Variants in RFPL2 observed in about 807,000 individuals in gnomAD.
RFPL2 encodes the protein ret finger protein like 2, also known as ret finger protein-like 2.
In RFPL2, 13 loss-of-function variants were observed where a neutral mutation model predicts 17.8. The observed-to-expected ratio is 0.73, with a 90% CI of 0.47 to 1.16. RFPL2 has a LOEUF of 1.16. Ranked by LOEUF, RFPL2 falls within the 50% of genes most tolerant of loss-of-function variation. The pLI is 0.00. For synonymous variants in RFPL2, 189 were observed against 180.9 expected, an observed-to-expected ratio of 1.04 and a Z score of -0.36; for missense variants, 431 against 479.3, an observed-to-expected ratio of 0.90 and a Z score of 0.94.
intron 4 of RFPL2, 143 bp downstream of exon 4, chr22:32,192,758 TC>T (rs1210147503): frequency 8.2e-7 from 1 of 1,212,826 alleles, no homozygotes; most frequent in Non-Finnish European, 1.2e-6. Context: ...CTGTATGTTG[TC>T]AGGGCTGAGA....
chr22:32,197,301 C>T (rs1208368582), intron 2 of RFPL2, among the ~76,000 whole-genome samples: 18 of 152,182 alleles, frequency 1.2e-4, no homozygotes, highest in Non-Finnish European at 1.8e-4. Flanking sequence ...CTGCATAGCC[C>T]GGGACTGACC....
intron 1 of RFPL2, chr22:32,203,166 A>C: frequency 1.6e-5 from 14 of 852,146 alleles, no homozygotes; most frequent in Non-Finnish European, 1.8e-5. Context: ...GCAGCACCCA[A>C]TGGCGCTGGC....
At position 32,204,073 on chromosome 22, in the gene RFPL2, C is replaced by T. The variant is rs547322720; in HGVS notation, c.-100+634G>A. On this transcript the variant is annotated intron_variant, in intron 1 of 4. Coordinates refer to ENST00000652607, the MANE Select transcript of RFPL2 (RefSeq NM_001394555.1). ...AACCCCAAATAGCGCACCCAATCCACTCCCTGCCAGGCAGTGAAGCCCCCC... is the reference window on the plus strand; with the variant it reads ...AACCCCAAATAGCGCACCCAATCCATTCCCTGCCAGGCAGTGAAGCCCCCC... Among the ~76,000 whole-genome samples, 29 of 151,510 alleles carry T rather than the reference C, an allele frequency of 1.9e-4. No homozygotes were observed. In the East Asian group the frequency reaches 5.7e-3, roughly 30 times the overall value.
At chr22:32,194,758 G>A (rs1923144424) in intron 2 of RFPL2, among the ~76,000 whole-genome samples, 1 of 152,156 alleles carries the variant, frequency 6.6e-6, no homozygotes, top group Admixed American at 6.5e-5. Context: ...AAGTGTGATT[G>A]GATTTGCAAT....
In RFPL2 at chr22:32,194,197, A is replaced by C. The variant is rs534926064; in HGVS notation, c.265+148T>G. 404 of 839,770 alleles carry C rather than the reference A, an allele frequency of 4.8e-4. 5 individuals carry two copies. The South Asian group carries it at 6.8e-3, about 14-fold the overall frequency. 52.0% of individuals were successfully genotyped at this position (839,770 alleles called of 1,614,324 possible). ...TCTTACACTCCTAGACTGGGGATCC[A>C]GGGTGACTGGTTTCCAACTCTGAGG... On this transcript the variant is annotated intron_variant, in intron 3 of 4. Transcript: ENST00000652607.
At chr22:32,197,954 T>C (rs775801788) in intron 2 of RFPL2, among the ~76,000 whole-genome samples, 4 of 152,148 alleles carry the variant, frequency 2.6e-5, no homozygotes, top group African/African-American at 9.7e-5. Context: ...AACTTCTCCC[T>C]GGAGGTTGAG....
intron 2 of RFPL2, among the ~76,000 whole-genome samples, chr22:32,198,105 C>T (rs570943539): frequency 6.6e-6 from 1 of 152,248 alleles, no homozygotes; most frequent in South Asian, 2.1e-4. Context: ...CAAGCTGCCC[C>T]TTCTCTGGGG....
Position 32,190,551 on chromosome 22 carries a change from A to G in RFPL2, c.*221T>C. 1 of 420,668 alleles carries G rather than the reference A, an allele frequency of 2.4e-6. No homozygotes were observed. The highest frequency in any genetic ancestry group is 4.1e-6 in the Non-Finnish European group (1 of 243,540). The allele number at this position is 420,668 out of a possible 1,614,324, so 26.1% of individuals were successfully genotyped here. A position where few individuals can be genotyped will look rare whatever the true frequency, so the allele number is the denominator to read the frequency against. On this transcript the variant is annotated 3_prime_UTR_variant, in exon 5 of 5. Transcript: ENST00000652607. Reference sequence around the variant, plus strand: ...ATCCCAGAATACAGGACATTTCTATAGGAAACAAGATGTGAACCATAGGAC... The same window carrying G: ...ATCCCAGAATACAGGACATTTCTATGGGAAACAAGATGTGAACCATAGGAC...
rs3986038 is a variant in RFPL2, at chr22:32,194,484, G to A, written c.126C>T (p.Ile42=). 3.1e-3 allele frequency: 4,967 copies of A among 1,606,040 alleles called. 19 individuals are homozygous for A. Among genetic ancestry groups the A allele is most frequent in the Admixed American group, 3.7e-3 (222 of 59,580 alleles). Reference sequence around the variant, plus strand: ...CACGCCCTTCCACACCCTCTAACCTGATGAGGCTTTGATTTAATTATAACA... The same window carrying A: ...CACGCCCTTCCACACCCTCTAACCTAATGAGGCTTTGATTTAATTATAACA... ...DMMVIRSLSL[I]RLEGVEGRDP... Residue 42 remains isoleucine (I), a synonymous_variant, in exon 3 of 5, where the codon ATC becomes ATT. Transcript: ENST00000652607.
At chr22:32,202,794 G>A in intron 1 of RFPL2, 1 of 1,082,480 alleles carries the variant, frequency 9.2e-7, no homozygotes, top group Non-Finnish European at 1.1e-6. Flanking sequence ...AGCAGGAGCA[G>A]CAGAAACTCA....
intron 3 of RFPL2, 111 bp downstream of exon 3, chr22:32,194,234 C>A: frequency 7.8e-7 from 1 of 1,275,536 alleles, no homozygotes; most frequent in Non-Finnish European, 1.1e-6. Context: ...AGCACTCAGA[C>A]GGCCTTTGTT....
At position 32,190,779 on chromosome 22, in the gene RFPL2, G is replaced by A. The variant is rs771392174; in HGVS notation, c.1130C>T (p.Ala377Val). Reference protein sequence around the residue: ...TTDAPVRPGEAK With the variant: ...TTDAPVRPGEVK ...TTTTTTTGGAGTGAGGGCTTATTTG[G>A]CCTCCCCAGGACGGACTGGAGCATC... is the stretch of plus-strand genomic sequence containing the variant. The change falls in exon 5 of 5, where the codon GCC becomes GTC. Residue 377 changes from alanine (A) to valine (V), a missense_variant. Coordinates refer to ENST00000652607, the MANE Select transcript of RFPL2 (RefSeq NM_001394555.1). 17 of 1,500,920 alleles carry A rather than the reference G, an allele frequency of 1.1e-5. No individual in the cohort carries two copies. In the East Asian group the frequency reaches 3.9e-4, roughly 35 times the overall value. 93.0% of individuals were successfully genotyped at this position (1,500,920 alleles called of 1,614,324 possible). A position where few individuals can be genotyped will look rare whatever the true frequency, so the allele number is the denominator to read the frequency against.
intron 4 of RFPL2, among the ~76,000 whole-genome samples, chr22:32,191,601 G>A (rs1214727860): frequency 2.0e-5 from 3 of 152,144 alleles, no homozygotes; most frequent in Non-Finnish European, 2.9e-5. Context: ...TGCTTCATTG[G>A]CCTTTTCTTC....
chr22:32,204,133 T>G (rs1603214912), intron 1 of RFPL2, among the ~76,000 whole-genome samples: 1 of 23,090 alleles, frequency 4.3e-5, no homozygotes, highest in Non-Finnish European at 8.6e-5. Flanking sequence ...CCCCCGCCAC[T>G]GGCAGTCCGC....
intron 2 of RFPL2, among the ~76,000 whole-genome samples, chr22:32,198,615 C>T (rs895128964): frequency 2.6e-5 from 4 of 151,918 alleles, no homozygotes; most frequent in South Asian, 2.1e-4. Flanking sequence ...CCTGCTCTCC[C>T]GAAGGTACTG....
rs750482960 is a variant in RFPL2, at chr22:32,193,081, T to C, written c.377A>G (p.Asn126Ser). The change falls in exon 4 of 5, where the codon AAT becomes AGT. Residue 126 changes from asparagine to serine, a missense_variant. Coordinates refer to ENST00000652607, the MANE Select transcript of RFPL2 (RefSeq NM_001394555.1). ...CGCAVCLKCI[N>S]SLQKEPHGED... ...CCCATGGGGCTCCTTCTGCAGTGAA[T>C]TAATGCACTTGAGGCAGACGGCGCA... 7 of 1,613,956 alleles carry C rather than the reference T, an allele frequency of 4.3e-6. No homozygotes were observed. Among genetic ancestry groups the C allele is most frequent in the Non-Finnish European group, 5.9e-6 (7 of 1,179,848 alleles).
At position 32,190,903 on chromosome 22, in the gene RFPL2, C is replaced by A; in HGVS notation, c.1006G>T (p.Ala336Ser). The change falls in exon 5 of 5, where the codon GCT becomes TCT. Residue 336 changes from alanine to serine, a missense_variant. Transcript: ENST00000652607. The part of the protein sequence containing the change: ...SHVYTFRSVS[A>S]EEPLRPFLAP... ...AAAAATGGGCGCAATGGCTCCTCAG[C>A]AGATACGCTCCTGAATGTATAGACA... The A allele has an allele frequency of 1.2e-6, 2 of 1,600,260 alleles. No homozygotes were observed. Among genetic ancestry groups the A allele is most frequent in the Non-Finnish European group, 1.7e-6 (2 of 1,172,534 alleles).
chr22:32,202,161 C>T (rs1461718201), intron 2 of RFPL2, among the ~76,000 whole-genome samples, 172 bp downstream of exon 2: 1 of 152,146 alleles, frequency 6.6e-6, no homozygotes, highest in African/African-American at 2.4e-5. Flanking sequence ...GATCTCTCTC[C>T]TGATCTTCTC....
In RFPL2 at chr22:32,191,008, G is replaced by A. The variant is rs755080826; in HGVS notation, c.901C>T (p.Arg301Cys). 12 of 1,613,422 alleles carry A rather than the reference G, an allele frequency of 7.4e-6. No homozygotes were observed. Among genetic ancestry groups the A allele is most frequent in the South Asian group, 6.6e-5 (6 of 91,034 alleles). The change falls in exon 5 of 5, where the codon CGC (arginine) becomes TGC (cysteine). Residue 301 changes from arginine to cysteine, a missense_variant. Transcript: ENST00000652607. ...AAAATCCCCACTCGCTGTAACTTGC[G>A]GTCTACGAAGAGGAAAGTCAGCGGC... ...TVPLTFLFVDRKLQRVGIFLD... is the reference protein window; with the variant it reads ...TVPLTFLFVDCKLQRVGIFLD...
Sources: allele counts gnomAD v4.1 joint callset (sites outside exome capture counted in the v4.1 genomes callset), GRCh38; gene constraint gnomAD v4.1.1; transcripts MANE v1.5; gene names NCBI Gene and HGNC (gene_info 2026-07-23, HGNC 2026-07-21).